Variants in KIDINS220 observed in about 807,000 individuals in gnomAD.
KIDINS220 encodes kinase D-interacting substrate of 220 kDa.
Under a neutral mutation model 157.6 loss-of-function variants are expected in KIDINS220, and 63 were observed. The observed-to-expected ratio is 0.40, with a 90% CI of 0.33 to 0.49. The LOEUF is 0.49. Among genes scored for constraint, KIDINS220 ranks in the 20% least tolerant of loss-of-function variants. The pLI, the probability that KIDINS220 is intolerant of heterozygous loss-of-function variation, is 0.66. For missense variants in KIDINS220, 1,772 were observed against 2,171.2 expected (o/e 0.82, Z 3.65); for synonymous variants, 732 against 783.6 (o/e 0.93, Z 1.10).
intron 9 of KIDINS220, 140 bp downstream of exon 9, chr2:8,800,260 A>C: frequency 1.9e-6 from 1 of 527,992 alleles, no homozygotes. Context: ...AGTGAAACTT[A>C]GTAATAATAT....
intron 22 of KIDINS220, among the ~76,000 whole-genome samples, chr2:8,761,837 C>T (rs957482098): frequency 4.6e-5 from 7 of 152,154 alleles, no homozygotes; most frequent in Non-Finnish European, 1.0e-4. Context: ...ATTTTCTTAG[C>T]ATTTGAATTA....
chr2:8,752,247 C>T (rs994651102), intron 22 of KIDINS220, among the ~76,000 whole-genome samples: 1 of 152,146 alleles, frequency 6.6e-6, no homozygotes, highest in African/African-American at 2.4e-5. Flanking sequence ...TCTTGAACAC[C>T]TGGGCTCAAG....
intron 2 of KIDINS220, 159 bp downstream of exon 2, chr2:8,826,827 A>C (rs1314331600): frequency 5.2e-6 from 2 of 381,860 alleles, no homozygotes; most frequent in African/African-American, 2.1e-5. Context: ...CAAAAACATG[A>C]AATTTGAAGT....
intron 21 of KIDINS220, among the ~76,000 whole-genome samples, chr2:8,775,331 C>T (rs566347785): frequency 9.9e-5 from 15 of 152,240 alleles, no homozygotes; most frequent in African/African-American, 3.4e-4. Context: ...TAAATGCGGT[C>T]GCCAAGGTAG....
chr2:8,726,619 A>G (rs1170454852), downstream of KIDINS220, among the ~76,000 whole-genome samples: 1 of 152,162 alleles, frequency 6.6e-6, no homozygotes, highest in Non-Finnish European at 1.5e-5. Context: ...GAGCACACTT[A>G]AACAGACCTA....
chr2:8,770,406 T>C (rs1355213292), intron 22 of KIDINS220, among the ~76,000 whole-genome samples: 2 of 152,066 alleles, frequency 1.3e-5, no homozygotes, highest in African/African-American at 2.4e-5. Context: ...ATCCTGTTTC[T>C]AAAAAATTTT....
At chr2:8,801,345 G>A (rs544834295) in intron 8 of KIDINS220, among the ~76,000 whole-genome samples, 3 of 152,138 alleles carry the variant, frequency 2.0e-5, no homozygotes, top group Non-Finnish European at 1.5e-5. Flanking sequence ...ATTAAGTTCA[G>A]CACCATGCTG....
intron 24 of KIDINS220, among the ~76,000 whole-genome samples, 188 bp downstream of exon 24, chr2:8,749,924 C>T (rs1441484103): frequency 6.6e-6 from 1 of 152,050 alleles, no homozygotes; most frequent in Non-Finnish European, 1.5e-5. Flanking sequence ...TCTCTTGAGA[C>T]CTAGAACACA....
intron 14 of KIDINS220, 91 bp downstream of exon 14, chr2:8,789,789 T>TTTATGTGA (rs1672936232): frequency 9.9e-7 from 1 of 1,014,332 alleles, no homozygotes; most frequent in East Asian, 2.7e-5. Context: ...ACATACAGGT[T>TTTATGTGA]TTAAAAGACA....
Position 8,817,729 on chromosome 2 carries a change from T to C in KIDINS220, c.208-13A>G. The C allele has an allele frequency of 6.5e-7, 1 of 1,549,008 alleles. No homozygotes were observed. The highest frequency in any genetic ancestry group is 8.8e-7 in the Non-Finnish European group (1 of 1,139,646). On this transcript the variant is annotated splice_polypyrimidine_tract_variant and intron_variant, in intron 3 of 29. Transcript: ENST00000256707. ...CTGTCCAATTATCCTTGAACATATA[T>C]TTTAAAAGTTATCATTTTCAAACCA...
At chr2:8,816,516 C>T (rs1677092081) in intron 4 of KIDINS220, among the ~76,000 whole-genome samples, 1 of 152,188 alleles carries the variant, frequency 6.6e-6, no homozygotes, top group African/African-American at 2.4e-5. Context: ...TGGTATGGTA[C>T]CTATTGGTAT....
chr2:8,785,635 T>C (rs1419533454), intron 17 of KIDINS220, 106 bp downstream of exon 17: 24 of 931,510 alleles, frequency 2.6e-5, no homozygotes, highest in Non-Finnish European at 3.1e-5. Flanking sequence ...CTAAAATAAA[T>C]GCAACACTTT....
intron 26 of KIDINS220, among the ~76,000 whole-genome samples, chr2:8,742,648 C>T (rs1022332369): frequency 1.3e-5 from 2 of 152,130 alleles, no homozygotes; most frequent in East Asian, 3.8e-4. Context: ...CCAAAGGTAA[C>T]GAGTAAACCC....
rs574590145 is a variant in KIDINS220, at chr2:8,747,684, G to A, written c.3528+203C>T. On this transcript the variant is annotated intron_variant, in intron 25 of 29. Transcript: ENST00000256707. ...GCTATAAACAAGTCAACATTTCTTC[G>A]CTGAGACTGCTAGTCATTTTCCTTC... 5.3e-5 allele frequency: 21 copies of A among 394,890 alleles called. No homozygotes were observed. In the East Asian group the frequency reaches 8.2e-4, roughly 15 times the overall value. The allele number at this position is 394,890 out of a possible 1,614,324, so 24.5% of individuals were successfully genotyped here.
intron 14 of KIDINS220, among the ~76,000 whole-genome samples, chr2:8,789,507 C>G (rs957134660): frequency 6.6e-6 from 1 of 152,044 alleles, no homozygotes; most frequent in Non-Finnish European, 1.5e-5. Context: ...CCAGGATGGT[C>G]TCGATCTCCT....
rs1043319447 is a variant in KIDINS220 at position 8,837,582 on chromosome 2, C to A, written c.-139G>T. The A allele has an allele frequency of 6.6e-6, 1 of 152,240 alleles. No homozygotes were observed. 9.4% of individuals were successfully genotyped at this position (152,240 alleles called of 1,614,324 possible). ...TGCAAGCGCGTCGCCCTCACCACAC[C>A]CGGCGGCCATATTCTTCCCTCTCCG... On this transcript the variant is annotated 5_prime_UTR_variant, in exon 1 of 30. Coordinates refer to ENST00000256707, the MANE Select transcript of KIDINS220 (RefSeq NM_020738.4).
rs759470310 is a variant in KIDINS220 at position 8,730,780 on chromosome 2, G to C, written c.5256C>G (p.Leu1752=). ...YTRLSKDPPE[L]HAAASSESTG... is the part of the protein sequence containing the mutation. ...TGCTCTCAGAAGAGGCTGCTGCATG[G>C]AGCTCCGGAGGATCTTTGGAGAGCC... The change falls in exon 30 of 30, where the codon CTC becomes CTG. Residue 1752 remains leucine (L), a synonymous_variant. Transcript: ENST00000256707. The C allele has an allele frequency of 1.2e-6, 2 of 1,614,230 alleles. No homozygotes were observed. Among genetic ancestry groups the C allele is most frequent in the Non-Finnish European group, 1.7e-6 (2 of 1,180,050 alleles).
At chr2:8,819,718 G>C (rs1677630929) in intron 2 of KIDINS220, among the ~76,000 whole-genome samples, 1 of 152,088 alleles carries the variant, frequency 6.6e-6, no homozygotes, top group African/African-American at 2.4e-5. Flanking sequence ...CCAGCTACCT[G>C]GGAGGCTGAG....
intron 22 of KIDINS220, among the ~76,000 whole-genome samples, chr2:8,764,452 T>G (rs776554780): frequency 1.3e-5 from 2 of 152,168 alleles, no homozygotes; most frequent in Non-Finnish European, 2.9e-5. Flanking sequence ...ATAAATGGAT[T>G]ATGAATGTAA....
Sources: allele counts gnomAD v4.1 joint callset (sites outside exome capture counted in the v4.1 genomes callset), GRCh38; gene constraint gnomAD v4.1.1; transcripts MANE v1.5; gene names NCBI Gene and HGNC (gene_info 2026-07-23, HGNC 2026-07-21).